FRMD5: variants seen among roughly 807,000 people sequenced by gnomAD.
The protein encoded by FRMD5 is FERM domain containing 5.
FRMD5 carries 20 observed loss-of-function variants against 69.0 expected under a neutral mutation model. The ratio of observed to expected loss-of-function variants is 0.29; its 90% CI spans 0.20 to 0.42. FRMD5 has a LOEUF of 0.42. Ranked by LOEUF, FRMD5 falls within the 10% of genes least tolerant of loss-of-function variation. FRMD5 has a pLI of 1.00. For missense variants in FRMD5, 595 were observed against 708.6 expected, an observed-to-expected ratio of 0.84 and a Z score of 1.82; for synonymous variants, 271 against 260.1, an observed-to-expected ratio of 1.04 and a Z score of -0.40.
At chr15:44,014,156 A>T (rs1890850364) in intron 1 of FRMD5, among the ~76,000 whole-genome samples, 1 of 152,112 alleles carries the variant, frequency 6.6e-6, no homozygotes, top group African/African-American at 2.4e-5. Flanking sequence ...GTTCAACATT[A>T]GCCTAACTGG....
chr15:43,961,313 A>T (rs2090196166), intron 1 of FRMD5, among the ~76,000 whole-genome samples: 2 of 152,248 alleles, frequency 1.3e-5, no homozygotes, highest in Non-Finnish European at 2.9e-5. Flanking sequence ...GAAGAAATGG[A>T]GAAATTCCTC....
At chr15:43,907,153 T>C (rs2089194854) in intron 5 of FRMD5, among the ~76,000 whole-genome samples, 1 of 152,232 alleles carries the variant, frequency 6.6e-6, no homozygotes, top group Admixed American at 6.5e-5. Flanking sequence ...GTGGGTGCCC[T>C]TTTTCCTTCC....
chr15:43,921,200 C>T (rs775541988), intron 2 of FRMD5, among the ~76,000 whole-genome samples: 2 of 152,108 alleles, frequency 1.3e-5, no homozygotes, highest in Admixed American at 6.6e-5. Flanking sequence ...CCTGTGAAGA[C>T]GGAGGAGGCC....
chr15:43,934,493 G>A (rs147890029), intron 1 of FRMD5, among the ~76,000 whole-genome samples: 233 of 152,234 alleles, frequency 1.5e-3, no homozygotes, highest in Middle Eastern at 3.4e-3. Flanking sequence ...GCTTTAACAG[G>A]TAGATGTTTA....
At chr15:44,094,186 C>T (rs2076517305) in intron 1 of FRMD5, among the ~76,000 whole-genome samples, 1 of 152,150 alleles carries the variant, frequency 6.6e-6, no homozygotes, top group South Asian at 2.1e-4. Flanking sequence ...TACTCAGGTA[C>T]TGCAGCTTGG....
chr15:43,975,487 C>T (rs1247711627), intron 1 of FRMD5, among the ~76,000 whole-genome samples: 2 of 152,184 alleles, frequency 1.3e-5, no homozygotes, highest in Admixed American at 6.5e-5. Flanking sequence ...CCAATAAACA[C>T]TTGAAAGATG....
At chr15:44,162,197 C>T (rs2077627254) in intron 1 of FRMD5, among the ~76,000 whole-genome samples, 1 of 151,380 alleles carries the variant, frequency 6.6e-6, no homozygotes. Flanking sequence ...AACTCCTGAC[C>T]TTGTGATCCA....
chr15:44,028,320 G>C (rs1210958936), intron 1 of FRMD5, among the ~76,000 whole-genome samples: 2 of 152,200 alleles, frequency 1.3e-5, no homozygotes, highest in Non-Finnish European at 1.5e-5. Flanking sequence ...GTAGGAAAAA[G>C]TCCTTCCAGA....
chr15:43,919,848 A>G, intron 2 of FRMD5, 39 bp from the exon 3 acceptor site: 1 of 1,575,656 alleles, frequency 6.3e-7, no homozygotes. Flanking sequence ...CCCTAATGAG[A>G]AGGGCTGTAA....
At chr15:43,985,207 G>T (rs1253800068) in intron 1 of FRMD5, among the ~76,000 whole-genome samples, 1 of 150,924 alleles carries the variant, frequency 6.6e-6, no homozygotes, top group Non-Finnish European at 1.5e-5. Flanking sequence ...CGTGAACCTG[G>T]GAGGCGGAGC....
chr15:43,949,397 A>G (rs968846348), intron 1 of FRMD5, among the ~76,000 whole-genome samples: 3 of 152,200 alleles, frequency 2.0e-5, no homozygotes, highest in Non-Finnish European at 4.4e-5. Context: ...CAGTGATATA[A>G]TTATTCACAA....
intron 1 of FRMD5, among the ~76,000 whole-genome samples, chr15:44,057,025 C>T (rs1015163998): frequency 6.6e-6 from 1 of 152,192 alleles, no homozygotes; most frequent in African/African-American, 2.4e-5. Flanking sequence ...TGACACCACT[C>T]AGAACTGTGA....
chr15:44,184,713 G>C (rs1286678915), intron 1 of FRMD5, among the ~76,000 whole-genome samples: 1 of 152,266 alleles, frequency 6.6e-6, no homozygotes, highest in East Asian at 1.9e-4. Context: ...GAACAGAAGG[G>C]CTATCTTGTT....
intron 1 of FRMD5, among the ~76,000 whole-genome samples, chr15:43,992,958 A>G (rs1034774518): frequency 6.6e-6 from 1 of 152,042 alleles, no homozygotes; most frequent in Admixed American, 6.6e-5. Flanking sequence ...GGTATTTTGT[A>G]TTCTATTTTT....
chr15:44,017,754 C>T (rs929142967), intron 1 of FRMD5, among the ~76,000 whole-genome samples: 18 of 151,776 alleles, frequency 1.2e-4, no homozygotes, highest in Non-Finnish European at 2.9e-5. Context: ...TACAGGCGCC[C>T]GCCACCATGC....
At chr15:44,040,992 C>CAAAAAAAAAAAAA (rs71421819) in intron 1 of FRMD5, among the ~76,000 whole-genome samples, 1 of 17,500 alleles carries the variant, frequency 5.7e-5, no homozygotes, top group African/African-American at 1.7e-4. Context: ...AAATGGAAAG[C>CAAAAAAAAAAAAA]AAAAAAAAAA....
intron 1 of FRMD5, among the ~76,000 whole-genome samples, chr15:44,136,416 T>G (rs189536999): frequency 6.6e-6 from 1 of 151,490 alleles, no homozygotes. Context: ...ATGGCTAGAG[T>G]TAATATTTTT....
At chr15:43,919,890 T>A in intron 2 of FRMD5, 81 bp from the exon 3 acceptor site, 2 of 1,302,108 alleles carry the variant, frequency 1.5e-6, no homozygotes, top group Non-Finnish European at 2.2e-6. Context: ...CTTAAAAAAC[T>A]AGACAGATTG....
At chr15:44,054,139 T>G (rs146032569) in intron 1 of FRMD5, among the ~76,000 whole-genome samples, 1 of 152,358 alleles carries the variant, frequency 6.6e-6, no homozygotes, top group East Asian at 1.9e-4. Context: ...TGATCACTTA[T>G]GTCTTTTAAA....
Sources: gnomAD v4.1 joint callset for allele counts (sites outside exome capture counted in the v4.1 genomes callset) on GRCh38, gnomAD v4.1.1 for gene constraint, MANE v1.5 for transcripts, NCBI Gene and HGNC (gene_info 2026-07-23, HGNC 2026-07-21) for gene names.